The following ABCG2 variants were observed in gnomAD, a reference collection of about 807,000 sequenced individuals.
ABCG2 encodes broad substrate specificity ATP-binding cassette transporter ABCG2.
In ABCG2, 80 loss-of-function variants were observed where a neutral mutation model predicts 73.5. The ratio of observed to expected loss-of-function variants is 1.09; its 90% CI spans 0.91 to 1.31. The LOEUF is 1.31. Among genes scored for constraint, ABCG2 ranks in the 50% most tolerant of loss-of-function variants. The pLI, the probability that ABCG2 is intolerant of heterozygous loss-of-function variation, is 0.00. For missense variants in ABCG2, 796 were observed against 786.2 expected, an observed-to-expected ratio of 1.01 and a Z score of -0.15; for synonymous variants, 269 against 282.4, an observed-to-expected ratio of 0.95 and a Z score of 0.48.
upstream of ABCG2, among the ~76,000 whole-genome samples, chr4:88,163,126 T>G (rs1727379655): frequency 6.6e-6 from 1 of 152,168 alleles, no homozygotes; most frequent in Non-Finnish European, 1.5e-5. Flanking sequence ...AGTATATCTA[T>G]TTTCATTACC....
chr4:88,198,664 A>G (rs927500374), intron 1 of ABCG2, among the ~76,000 whole-genome samples: 1 of 152,120 alleles, frequency 6.6e-6, no homozygotes, highest in African/African-American at 2.4e-5. Context: ...GAAAGCTCCA[A>G]TGGATAAAGT....
chr4:88,136,671 A>C (rs1725265552), intron 2 of ABCG2, among the ~76,000 whole-genome samples: 1 of 152,188 alleles, frequency 6.6e-6, no homozygotes. Flanking sequence ...ATGCCACTGC[A>C]CTCCAGCCTG....
At chr4:88,211,358 G>GCCCCCGC (rs1264405228) in intron 1 of ABCG2, among the ~76,000 whole-genome samples, 14 of 33,648 alleles carry the variant, frequency 4.2e-4, no homozygotes, top group Admixed American at 8.8e-4. Context: ...TTCAACCCCT[G>GCCCCCGC]CCCCACCCCC....
chr4:88,131,331 C>G, intron 4 of ABCG2, 118 bp from the exon 5 acceptor site: 1 of 1,094,446 alleles, frequency 9.1e-7, no homozygotes, highest in Non-Finnish European at 1.3e-6. Context: ...AAAGTTCTAG[C>G]TAATGATGAA....
At chr4:88,144,264 C>A (rs544529845) in intron 1 of ABCG2, among the ~76,000 whole-genome samples, 35 of 152,202 alleles carry the variant, frequency 2.3e-4, no homozygotes, top group Non-Finnish European at 4.4e-4. Flanking sequence ...TGATCCCAGC[C>A]GATTCATGTT....
intron 1 of ABCG2, among the ~76,000 whole-genome samples, chr4:88,142,648 G>T (rs1180789384): frequency 6.6e-6 from 1 of 152,050 alleles, no homozygotes; most frequent in Non-Finnish European, 1.5e-5. Context: ...GTCGCAAATC[G>T]AAAATATTAA....
At chr4:88,130,931 C>T in intron 5 of ABCG2, 130 bp downstream of exon 5, 2 of 1,051,286 alleles carry the variant, frequency 1.9e-6, no homozygotes, top group Non-Finnish European at 2.8e-6. Context: ...AGCCACTTTT[C>T]TCATTGTTAT....
At chr4:88,135,563 G>A (rs4148153) in intron 2 of ABCG2, among the ~76,000 whole-genome samples, 3,095 of 85,082 alleles carry the variant, frequency 0.036, 180 homozygotes, top group East Asian at 0.32. Context: ...CACCACGCCC[G>A]GGCCCTCCAA....
chr4:88,177,368 G>A (rs914955172), intron 1 of ABCG2, among the ~76,000 whole-genome samples: 1 of 147,352 alleles, frequency 6.8e-6, no homozygotes, highest in African/African-American at 2.5e-5. Context: ...GCGAGACTCC[G>A]TCTCAAAATA....
At chr4:88,181,630 C>G (rs141679624) in intron 1 of ABCG2, among the ~76,000 whole-genome samples, 5 of 152,118 alleles carry the variant, frequency 3.3e-5, no homozygotes, top group African/African-American at 1.2e-4. Context: ...AATCAGAAGG[C>G]TGAGGTAAGA....
intron 7 of ABCG2, 108 bp downstream of exon 7, chr4:88,118,001 T>C (rs1417395700): frequency 6.4e-6 from 7 of 1,088,142 alleles, no homozygotes; most frequent in Non-Finnish European, 7.8e-6. Context: ...TGATAGATTC[T>C]CATGGTATGT....
intron 1 of ABCG2, among the ~76,000 whole-genome samples, chr4:88,174,097 G>A (rs1727861547): frequency 6.6e-6 from 1 of 151,390 alleles, no homozygotes; most frequent in African/African-American, 2.4e-5. Flanking sequence ...TTGAAGAAGT[G>A]ATTACATTAA....
intron 1 of ABCG2, among the ~76,000 whole-genome samples, chr4:88,202,315 A>G (rs559301346): frequency 3.3e-4 from 41 of 123,268 alleles, no homozygotes; most frequent in African/African-American, 1.1e-3. Context: ...GCTCAAGACC[A>G]ACCAGTGCAA....
At chr4:88,223,882 T>TC (rs1250073704) in intron 1 of ABCG2, 2 of 152,022 alleles carry the variant, frequency 1.3e-5, no homozygotes, top group East Asian at 3.9e-4. Context: ...ATTTTTTTTT[T>TC]TTTTCAAATA....
At position 88,121,735 on chromosome 4, in the gene ABCG2, C is replaced by T. The variant is rs561273590; in HGVS notation, c.589G>A (p.Gly197Arg). 1 of 1,614,044 alleles carries T rather than the reference C, an allele frequency of 6.2e-7. No individual in the cohort carries two copies. The highest frequency in any genetic ancestry group is 1.7e-5 in the Admixed American group (1 of 60,020). Residue 197 changes from glycine (G) to arginine (R), a missense_variant, in exon 6 of 16, where the codon GGA (glycine) becomes AGA (arginine). Gly to Arg is a moderately radical substitution (Grantham distance 125, BLOSUM62 -2). Coordinates refer to ENST00000237612, the MANE Select transcript of ABCG2 (RefSeq NM_004827.3). The stretch of plus-strand genomic sequence containing the variant: ...GAAGGATCAGTGATAAGCTCCATTC[C>T]TATACTAGTCCTTTTTCTTTCTCCT... ...SGGERKRTSI[G>R]MELITDPSIL... is the part of the protein sequence containing the mutation.
chr4:88,203,989 G>A (rs1028141637), intron 1 of ABCG2, among the ~76,000 whole-genome samples: 1 of 152,074 alleles, frequency 6.6e-6, no homozygotes, highest in Non-Finnish European at 1.5e-5. Context: ...AAAAGAAAAG[G>A]TAACTCTTTA....
intron 1 of ABCG2, among the ~76,000 whole-genome samples, chr4:88,194,549 CAAAAAAAAAAAAAAA>C (rs58945293): frequency 2.9e-4 from 15 of 52,554 alleles, no homozygotes; most frequent in Non-Finnish European, 3.7e-4. Flanking sequence ...GACTCCGTCT[CAAAAAAAAAAAAAAA>C]AAAAAAAAAA....
chr4:88,117,049 C>T (rs941647576), intron 7 of ABCG2, among the ~76,000 whole-genome samples: 15 of 152,244 alleles, frequency 9.9e-5, no homozygotes, highest in East Asian at 3.9e-4. Context: ...TAGTGTCTGC[C>T]GGTCACAGTG....
At chr4:88,156,106 A>G (rs1356943932) in intron 1 of ABCG2, among the ~76,000 whole-genome samples, 1 of 150,294 alleles carries the variant, frequency 6.7e-6, no homozygotes, top group Non-Finnish European at 1.5e-5. Context: ...CGGGCATGAT[A>G]GCTCACACCT....
Sources: gnomAD v4.1 joint callset for allele counts (sites outside exome capture counted in the v4.1 genomes callset) on GRCh38, gnomAD v4.1.1 for gene constraint, MANE v1.5 for transcripts, NCBI Gene and HGNC (gene_info 2026-07-23, HGNC 2026-07-21) for gene names.